Variants in RGS6 observed in about 807,000 individuals in gnomAD.
The protein encoded by RGS6 is regulator of G-protein signaling 6.
RGS6 carries 30 observed loss-of-function variants against 78.5 expected under a neutral mutation model. The ratio of observed to expected loss-of-function variants is 0.38; its 90% CI spans 0.29 to 0.52. The LOEUF (loss-of-function observed/expected upper bound fraction) is 0.52. Ranked by LOEUF, RGS6 falls within the 20% of genes least tolerant of loss-of-function variation. The probability of loss-of-function intolerance (pLI) is 0.85; values close to 1 mark genes in which losing one functional copy is unlikely to be tolerated. For synonymous variants in RGS6, 206 were observed against 206.0 expected (o/e 1.00, Z 0.00); for missense variants, 495 against 609.7 (o/e 0.81, Z 1.98).
At chr14:72,386,615 A>C (rs1203478838) in intron 3 of RGS6, among the ~76,000 whole-genome samples, 4 of 152,162 alleles carry the variant, frequency 2.6e-5, no homozygotes, top group Non-Finnish European at 5.9e-5. Context: ...TCTGTGAGCA[A>C]AGGGCCAAGG....
intron 2 of RGS6, among the ~76,000 whole-genome samples, chr14:72,263,175 A>G (rs2058466535): frequency 6.6e-6 from 1 of 152,192 alleles, no homozygotes; most frequent in South Asian, 2.1e-4. Flanking sequence ...TCCCCTTCTA[A>G]GTTTCTGAGC....
chr14:72,432,783 T>G (rs1340470536), intron 3 of RGS6, among the ~76,000 whole-genome samples: 2 of 152,222 alleles, frequency 1.3e-5, no homozygotes, highest in Non-Finnish European at 2.9e-5. Flanking sequence ...TTGGTTGTTG[T>G]TTATTTTAAC....
intron 7 of RGS6, among the ~76,000 whole-genome samples, chr14:72,468,962 G>A (rs2096000712): frequency 6.6e-6 from 1 of 152,092 alleles, no homozygotes; most frequent in African/African-American, 2.4e-5. Context: ...GTGTTGGCAT[G>A]AGCTCTATGA....
At chr14:72,495,752 T>G (rs977717353) in intron 13 of RGS6, among the ~76,000 whole-genome samples, 3 of 152,134 alleles carry the variant, frequency 2.0e-5, no homozygotes, top group African/African-American at 7.2e-5. Flanking sequence ...ACAGCAGAGT[T>G]AGGACTAGAA....
chr14:71,889,158 G>A, the RGS6 span, among the ~76,000 whole-genome samples: 1 of 152,108 alleles, frequency 6.6e-6, no homozygotes, highest in Non-Finnish European at 1.5e-5. Context: ...CAGGGGAGAG[G>A]AGAACATGTC....
the RGS6 span, among the ~76,000 whole-genome samples, chr14:72,612,162 C>T: frequency 6.6e-6 from 1 of 152,194 alleles, no homozygotes; most frequent in African/African-American, 2.4e-5. Context: ...ACAACCATGG[C>T]AGATGAGTGG....
At chr14:72,266,072 T>C (rs1407794775) in intron 2 of RGS6, among the ~76,000 whole-genome samples, 1 of 152,158 alleles carries the variant, frequency 6.6e-6, no homozygotes, top group African/African-American at 2.4e-5. Context: ...TCATCACTCA[T>C]GATTTTGTGG....
At chr14:71,995,192 TC>T (rs1276457654) in intron 2 of RGS6, among the ~76,000 whole-genome samples, 1 of 152,066 alleles carries the variant, frequency 6.6e-6, no homozygotes, top group East Asian at 1.9e-4. Context: ...TCCCTCTCAG[TC>T]CCTCTGGAAT....
chr14:72,149,712 A>G (rs1314700061), intron 2 of RGS6, among the ~76,000 whole-genome samples: 1 of 152,220 alleles, frequency 6.6e-6, no homozygotes, highest in Non-Finnish European at 1.5e-5. Flanking sequence ...GATAGGAATA[A>G]TTCTACTTGC....
At chr14:72,550,617 T>G in intron 17 of RGS6, 1 of 1,531,908 alleles carries the variant, frequency 6.5e-7, no homozygotes, top group Non-Finnish European at 8.7e-7. Context: ...CTGTCCTGGT[T>G]AATACTAGAA....
chr14:72,416,254 C>CT (rs1341827980), intron 3 of RGS6, among the ~76,000 whole-genome samples: 43 of 152,108 alleles, frequency 2.8e-4, no homozygotes, highest in African/African-American at 9.6e-4. Flanking sequence ...TAACAGAGCT[C>CT]TATATGCATT....
At chr14:72,208,161 C>G (rs2043142483) in intron 2 of RGS6, among the ~76,000 whole-genome samples, 1 of 152,164 alleles carries the variant, frequency 6.6e-6, no homozygotes, top group Non-Finnish European at 1.5e-5. Flanking sequence ...CAGTGAGAGT[C>G]ACTATGAAGA....
intron 3 of RGS6, among the ~76,000 whole-genome samples, chr14:72,377,136 C>T (rs1378944290): frequency 6.6e-6 from 1 of 151,996 alleles, no homozygotes; most frequent in East Asian, 1.9e-4. Context: ...ATACAAGATA[C>T]AATATACAGC....
intron 2 of RGS6, among the ~76,000 whole-genome samples, chr14:72,255,085 C>T (rs903406920): frequency 1.3e-5 from 2 of 152,126 alleles, no homozygotes; most frequent in African/African-American, 4.8e-5. Context: ...CAGAGTGAGG[C>T]ATGAGGCAGA....
the RGS6 span, among the ~76,000 whole-genome samples, chr14:71,883,233 C>A: frequency 6.6e-6 from 1 of 152,156 alleles, no homozygotes; most frequent in African/African-American, 2.4e-5. Context: ...CGACTAGTTC[C>A]CCTTTTTGAA....
chr14:72,343,956 G>A (rs760191735), intron 2 of RGS6, among the ~76,000 whole-genome samples: 5 of 152,180 alleles, frequency 3.3e-5, no homozygotes, highest in Non-Finnish European at 7.3e-5. Context: ...GTCCTCATCC[G>A]CACTGTTGCT....
chr14:72,057,031 C>T (rs1357089952), intron 2 of RGS6, among the ~76,000 whole-genome samples: 2 of 151,912 alleles, frequency 1.3e-5, no homozygotes, highest in Admixed American at 6.6e-5. Flanking sequence ...AGAATGTTTG[C>T]GGCCTGGAGC....
At chr14:72,441,347 C>T (rs1005212755) in intron 3 of RGS6, among the ~76,000 whole-genome samples, 2 of 152,242 alleles carry the variant, frequency 1.3e-5, no homozygotes, top group African/African-American at 4.8e-5. Flanking sequence ...CTCAGTCTCA[C>T]ATGACTGGCT....
intron 3 of RGS6, among the ~76,000 whole-genome samples, chr14:72,390,074 A>G (rs2089520792): frequency 6.7e-6 from 1 of 150,162 alleles, no homozygotes; most frequent in Non-Finnish European, 1.5e-5. Context: ...ACAGAAAAGT[A>G]TAAAGAGCTA....
Sources: gnomAD v4.1 joint callset for allele counts (sites outside exome capture counted in the v4.1 genomes callset) on GRCh38, gnomAD v4.1.1 for gene constraint, MANE v1.5 for transcripts, NCBI Gene and HGNC (gene_info 2026-07-23, HGNC 2026-07-21) for gene names.